The following CCSER1 variants were observed in gnomAD, a reference collection of about 807,000 sequenced individuals.
The protein encoded by CCSER1 is coiled-coil serine rich protein 1.
A neutral mutation model predicts 82.0 loss-of-function variants in CCSER1; 41 were observed. The ratio of observed to expected loss-of-function variants is 0.50; its 90% CI spans 0.39 to 0.65. The LOEUF (loss-of-function observed/expected upper bound fraction) is 0.65, where lower values mean the gene tolerates loss of function less well. Among genes scored for constraint, CCSER1 ranks in the 30% least tolerant of loss-of-function variants. The pLI, the probability that CCSER1 is intolerant of heterozygous loss-of-function variation, is 0.00. For synonymous variants in CCSER1, 414 were observed against 383.9 expected (o/e 1.08, Z -0.92); for missense variants, 1,119 against 1,064.2 (o/e 1.05, Z -0.72).
intron 9 of CCSER1, among the ~76,000 whole-genome samples, chr4:91,058,181 G>A (rs2148727176): frequency 6.6e-6 from 1 of 151,984 alleles, no homozygotes; most frequent in Admixed American, 6.6e-5. Flanking sequence ...TTCACCCTCT[G>A]AGAAGCTCCA....
intron 9 of CCSER1, among the ~76,000 whole-genome samples, chr4:90,973,372 C>A (rs1449820008): frequency 6.6e-6 from 1 of 151,454 alleles, no homozygotes; most frequent in African/African-American, 2.4e-5. Flanking sequence ...GTCATTTCTC[C>A]AAATAAGATG....
At chr4:90,824,131 T>TA (rs1160940474) in intron 8 of CCSER1, among the ~76,000 whole-genome samples, 2 of 151,766 alleles carry the variant, frequency 1.3e-5, no homozygotes, top group East Asian at 1.9e-4. Context: ...CAGGCCTCAT[T>TA]AAAAAAAATG....
At chr4:91,297,347 C>T (rs530872882) in intron 10 of CCSER1, among the ~76,000 whole-genome samples, 2 of 149,126 alleles carry the variant, frequency 1.3e-5, no homozygotes, top group South Asian at 2.1e-4. Context: ...GTTCTGCTCA[C>T]CTGAGGAGAA....
rs1165678529 is a variant in CCSER1, at chr4:90,287,442, G to A, written c.-41-20802G>A. On this transcript the variant is annotated intron_variant, in intron 1 of 10. Coordinates refer to ENST00000509176, the MANE Select transcript of CCSER1 (RefSeq NM_001145065.2). ...AACTTTCATGAAGAGTTGATAATAT[G>A]TATGAAATTCTTTAGCAGGATACAA... 2.0e-5 allele frequency among the ~76,000 whole-genome samples: 3 copies of A among 151,682 alleles called. No individual in the cohort carries two copies. The East Asian group carries it at 5.9e-4, about 30-fold the overall frequency.
At chr4:91,554,919 G>A (rs1353707472) in intron 10 of CCSER1, among the ~76,000 whole-genome samples, 1 of 151,226 alleles carries the variant, frequency 6.6e-6, no homozygotes, top group African/African-American at 2.4e-5. Context: ...AAGGTGCCAA[G>A]AACATACAAT....
intron 10 of CCSER1, among the ~76,000 whole-genome samples, chr4:91,329,730 C>T (rs1746812528): frequency 6.6e-6 from 1 of 152,068 alleles, no homozygotes; most frequent in African/African-American, 2.4e-5. Flanking sequence ...AGGACTCTAC[C>T]CTCATGATCT....
At chr4:90,447,593 A>C (rs1287015850) in intron 4 of CCSER1, among the ~76,000 whole-genome samples, 1 of 152,224 alleles carries the variant, frequency 6.6e-6, no homozygotes, top group Non-Finnish European at 1.5e-5. Flanking sequence ...ATGTAAAGTG[A>C]CTAGTTATAT....
chr4:90,638,406 A>T (rs971966141), intron 6 of CCSER1, among the ~76,000 whole-genome samples: 1 of 152,160 alleles, frequency 6.6e-6, no homozygotes, highest in Non-Finnish European at 1.5e-5. Flanking sequence ...TTCCCTTGTG[A>T]GACCTGTAAA....
intron 5 of CCSER1, among the ~76,000 whole-genome samples, chr4:90,574,019 TG>T (rs1262584182): frequency 4.0e-5 from 6 of 151,540 alleles, no homozygotes; most frequent in Admixed American, 1.3e-4. Context: ...TGAAGGATAT[TG>T]TTTTTTTTTT....
intron 10 of CCSER1, among the ~76,000 whole-genome samples, chr4:91,361,042 A>T (rs985896624): frequency 6.6e-6 from 1 of 151,820 alleles, no homozygotes; most frequent in Admixed American, 6.6e-5. Context: ...AAGGTCTTGA[A>T]GAGTTAAATC....
intron 10 of CCSER1, among the ~76,000 whole-genome samples, chr4:91,595,223 G>C (rs1419802693): frequency 6.6e-6 from 1 of 152,090 alleles, no homozygotes; most frequent in Non-Finnish European, 1.5e-5. Flanking sequence ...GATCAGTCGA[G>C]ATAGTGTAAT....
chr4:90,264,591 G>A (rs1218822255), intron 1 of CCSER1, among the ~76,000 whole-genome samples: 1 of 152,034 alleles, frequency 6.6e-6, no homozygotes. Context: ...GCTTTTTGTA[G>A]GTTGTTTTTG....
intron 10 of CCSER1, among the ~76,000 whole-genome samples, chr4:91,320,533 C>G (rs545334141): frequency 6.6e-6 from 1 of 152,146 alleles, no homozygotes; most frequent in East Asian, 1.9e-4. Flanking sequence ...TTTCATTATT[C>G]ATGATAACAT....
At chr4:91,394,886 C>T (rs1275305111) in intron 10 of CCSER1, among the ~76,000 whole-genome samples, 1 of 151,092 alleles carries the variant, frequency 6.6e-6, no homozygotes, top group Non-Finnish European at 1.5e-5. Context: ...TGATGAGTGA[C>T]CTACATTTTT....
At chr4:91,460,351 G>A (rs896184465) in intron 10 of CCSER1, among the ~76,000 whole-genome samples, 2 of 152,072 alleles carry the variant, frequency 1.3e-5, no homozygotes, top group Admixed American at 1.3e-4. Flanking sequence ...AGAGGTAAGA[G>A]AAAATAATGC....
chr4:91,064,841 A>G (rs1485747467), intron 9 of CCSER1, among the ~76,000 whole-genome samples: 1 of 150,484 alleles, frequency 6.6e-6, no homozygotes, highest in Non-Finnish European at 1.5e-5. Context: ...CGTAGGGGAC[A>G]GAGGAACACA....
In CCSER1 at chr4:90,227,955, C is replaced by G. The variant is rs190759703; in HGVS notation, c.-41-80289C>G. On this transcript the variant is annotated intron_variant, in intron 1 of 10. Transcript: ENST00000509176. ...CGCACCAGGAGATTATATCCCGCAC[C>G]TGGCTCGGAGGGTCCTACGCCCATG... Among the ~76,000 whole-genome samples, 6 of 152,218 alleles carry G rather than the reference C, an allele frequency of 3.9e-5. 1 individual carries two copies. The South Asian group carries it at 1.0e-3, about 26-fold the overall frequency.
intron 10 of CCSER1, among the ~76,000 whole-genome samples, chr4:91,232,099 T>G (rs1406192977): frequency 1.3e-5 from 2 of 151,822 alleles, no homozygotes; most frequent in Admixed American, 6.6e-5. Flanking sequence ...TTTACTATTT[T>G]GGCAAGGATA....
intron 5 of CCSER1, among the ~76,000 whole-genome samples, chr4:90,483,699 C>A (rs1026484139): frequency 4.6e-5 from 7 of 152,138 alleles, no homozygotes; most frequent in Admixed American, 1.3e-4. Context: ...TGAATATTGG[C>A]CCCCACTCTC....
Sources: gnomAD v4.1 joint callset for allele counts (sites outside exome capture counted in the v4.1 genomes callset) on GRCh38, gnomAD v4.1.1 for gene constraint, MANE v1.5 for transcripts, NCBI Gene and HGNC (gene_info 2026-07-23, HGNC 2026-07-21) for gene names.